CDH4: variants seen among roughly 807,000 people sequenced by gnomAD.
The protein encoded by CDH4 is cadherin 4.
In CDH4, 33 loss-of-function variants were observed where a neutral mutation model predicts 86.0. That is an observed-to-expected ratio of 0.38 (90% confidence interval 0.29 to 0.51). The LOEUF is 0.51. Ranked by LOEUF, CDH4 falls within the 20% of genes least tolerant of loss-of-function variation. The pLI is 0.86. For synonymous variants in CDH4, 555 were observed against 549.4 expected, an observed-to-expected ratio of 1.01 and a Z score of -0.14; for missense variants, 1,114 against 1,307.4, an observed-to-expected ratio of 0.85 and a Z score of 2.28.
At chr20:61,896,412 G>A (rs1378862321) in intron 8 of CDH4, among the ~76,000 whole-genome samples, 5 of 152,228 alleles carry the variant, frequency 3.3e-5, no homozygotes, top group Non-Finnish European at 5.9e-5. Flanking sequence ...CTGGGGCGCA[G>A]CTGCACCAGG....
At chr20:61,641,339 G>A (rs977949556) in intron 2 of CDH4, among the ~76,000 whole-genome samples, 2 of 152,068 alleles carry the variant, frequency 1.3e-5, no homozygotes, top group African/African-American at 4.8e-5. Context: ...AGCTCAGCAG[G>A]GTGGGCCACC....
intron 3 of CDH4, among the ~76,000 whole-genome samples, chr20:61,744,450 G>C (rs1353685843): frequency 1.9e-5 from 1 of 52,672 alleles, no homozygotes; most frequent in Non-Finnish European, 3.5e-5. Context: ...GGAAGAGAGG[G>C]AGAGAGAGAA....
chr20:61,609,381 C>T (rs1653405886), intron 2 of CDH4, among the ~76,000 whole-genome samples: 1 of 152,164 alleles, frequency 6.6e-6, no homozygotes, highest in Non-Finnish European at 1.5e-5. Flanking sequence ...CAAGCACTGG[C>T]CTCGTGCAAT....
chr20:61,666,434 C>T (rs74414751), intron 2 of CDH4, among the ~76,000 whole-genome samples: 10 of 152,362 alleles, frequency 6.6e-5, no homozygotes, highest in Non-Finnish European at 1.2e-4. Flanking sequence ...GAGCCAATCC[C>T]ACTGGCAGTG....
At chr20:61,771,496 C>T (rs1393275255) in intron 3 of CDH4, among the ~76,000 whole-genome samples, 1 of 151,786 alleles carries the variant, frequency 6.6e-6, no homozygotes, top group Non-Finnish European at 1.5e-5. Context: ...TGGTGGCGGT[C>T]TCCTGTAATC....
At chr20:61,553,988 C>T (rs2086154735) in intron 2 of CDH4, among the ~76,000 whole-genome samples, 1 of 152,154 alleles carries the variant, frequency 6.6e-6, no homozygotes, top group South Asian at 2.1e-4. Context: ...GTCCTAGGAG[C>T]TGGTCAGTGA....
intron 2 of CDH4, among the ~76,000 whole-genome samples, chr20:61,332,885 C>T (rs1600874344): frequency 6.6e-6 from 1 of 152,230 alleles, no homozygotes; most frequent in South Asian, 2.1e-4. Context: ...GTGCTCATCA[C>T]CCTGGCTTTC....
At chr20:61,441,349 G>A (rs1239351097) in intron 2 of CDH4, among the ~76,000 whole-genome samples, 1 of 152,228 alleles carries the variant, frequency 6.6e-6, no homozygotes, top group Non-Finnish European at 1.5e-5. Flanking sequence ...GAGGGACTGG[G>A]CCAGGGCCTC....
chr20:61,487,224 T>A (rs1206344539), intron 2 of CDH4, among the ~76,000 whole-genome samples: 1 of 152,204 alleles, frequency 6.6e-6, no homozygotes, highest in Admixed American at 6.5e-5. Flanking sequence ...GAATTGCCTT[T>A]GTCTTTTGCC....
At chr20:61,502,211 G>A (rs2085707753) in intron 2 of CDH4, among the ~76,000 whole-genome samples, 2 of 152,076 alleles carry the variant, frequency 1.3e-5, no homozygotes, top group African/African-American at 2.4e-5. Context: ...CATCTACAAG[G>A]CCCAAATGAG....
At chr20:61,634,009 T>C (rs2086921854) in intron 2 of CDH4, among the ~76,000 whole-genome samples, 2 of 152,144 alleles carry the variant, frequency 1.3e-5, no homozygotes, top group Admixed American at 1.3e-4. Flanking sequence ...GGGTTCTGCT[T>C]CTCTCTGCAA....
rs1392030519 is a variant in CDH4 at position 61,807,049 on chromosome 20, GAC to G, written c.576+33871_576+33872del. On this transcript the variant is annotated intron_variant, in intron 4 of 15. Transcript: ENST00000614565. This position sits in a 1 kb window ranked among gnomAD's most constrained non-coding sequence, Gnocchi z 4.5. ...TCTAATAATGGGTTGCTAAGAAACTGACACAGGAGATGATTTTGAAAATGTCT... is the reference window on the plus strand; with the variant it reads ...TCTAATAATGGGTTGCTAAGAAACTGACAGGAGATGATTTTGAAAATGTCT... Among the ~76,000 whole-genome samples the G allele has an allele frequency of 6.6e-6, 1 of 152,184 alleles. No individual in the cohort carries two copies. Among genetic ancestry groups the G allele is most frequent in the Non-Finnish European group, 1.5e-5 (1 of 68,032 alleles).
chr20:61,872,237 C>T (rs1304769058), intron 6 of CDH4, among the ~76,000 whole-genome samples: 1 of 152,066 alleles, frequency 6.6e-6, no homozygotes, highest in Non-Finnish European at 1.5e-5. Flanking sequence ...CTTGTGGTGG[C>T]TGTAATCCCA....
intron 2 of CDH4, among the ~76,000 whole-genome samples, chr20:61,282,950 G>GTA (rs562481672): frequency 1.6e-4 from 16 of 98,568 alleles, no homozygotes; most frequent in African/African-American, 5.4e-4. Flanking sequence ...GCTGTGGCGT[G>GTA]TGATGTACGT....
intron 2 of CDH4, among the ~76,000 whole-genome samples, chr20:61,660,550 G>A (rs6142823): frequency 0.14 from 21,854 of 152,148 alleles, 1,901 homozygotes; most frequent in South Asian, 0.27. Flanking sequence ...ATGTGGGTGC[G>A]CCTGACTGTT....
chr20:61,610,048 T>C (rs2086673239), intron 2 of CDH4, among the ~76,000 whole-genome samples: 1 of 152,234 alleles, frequency 6.6e-6, no homozygotes. Flanking sequence ...GATGGTTAAC[T>C]ATAGTAACCC....
At chr20:61,482,605 CCT>C (rs1182968342) in intron 2 of CDH4, among the ~76,000 whole-genome samples, 2 of 152,186 alleles carry the variant, frequency 1.3e-5, no homozygotes, top group Non-Finnish European at 2.9e-5. Flanking sequence ...CTCTCCTACC[CCT>C]GTTCTGCTGC....
At chr20:61,764,994 T>C (rs2088681964) in intron 3 of CDH4, among the ~76,000 whole-genome samples, 2 of 152,100 alleles carry the variant, frequency 1.3e-5, no homozygotes, top group South Asian at 4.1e-4. Context: ...GGAGAGGCGA[T>C]CTGAAATGAG....
rs894695036 is a variant in CDH4 at position 61,872,588 on chromosome 20, A to G, written c.878-1140A>G. 5.3e-5 allele frequency among the ~76,000 whole-genome samples: 8 copies of G among 152,228 alleles called. No homozygotes were observed. In the East Asian group the frequency reaches 1.5e-3, roughly 29 times the overall value. ...GGTTGCACCATCCCCAGGGCCCAGC[A>G]GGGCACCAGCAGCTCTCCTCTGTGC... On this transcript the variant is annotated intron_variant, in intron 6 of 15. Transcript: ENST00000614565.
Sources: gnomAD v4.1 joint callset for allele counts (sites outside exome capture counted in the v4.1 genomes callset) on GRCh38, gnomAD v4.1.1 for gene constraint, Gnocchi (gnomAD v3.1) non-coding constraint, MANE v1.5 for transcripts, NCBI Gene and HGNC (gene_info 2026-07-23, HGNC 2026-07-21) for gene names.